The following SRRM3 variants were observed in gnomAD, a reference collection of about 807,000 sequenced individuals.
SRRM3 encodes serine/arginine repetitive matrix 3, also known as serine/arginine repetitive matrix protein 3.
Under a neutral mutation model 66.2 loss-of-function variants are expected in SRRM3, and 27 were observed. The observed-to-expected ratio is 0.41, with a 90% CI of 0.30 to 0.56. The LOEUF (loss-of-function observed/expected upper bound fraction) is 0.56, where lower values mean the gene tolerates loss of function less well. SRRM3 is among the 20% of genes least tolerant of loss of function. The probability of loss-of-function intolerance (pLI) is 0.32; values close to 1 mark genes in which losing one functional copy is unlikely to be tolerated. For missense variants in SRRM3, 918 were observed against 991.9 expected, an observed-to-expected ratio of 0.93 and a Z score of 1.00; for synonymous variants, 391 against 414.9, an observed-to-expected ratio of 0.94 and a Z score of 0.70.
chr7:76,222,736 C>T (rs1437103748), intron 1 of SRRM3, among the ~76,000 whole-genome samples: 1 of 152,064 alleles, frequency 6.6e-6, no homozygotes, highest in African/African-American at 2.4e-5. Context: ...ATCCTCCTGC[C>T]TCAGCCTCCC....
intron 1 of SRRM3, among the ~76,000 whole-genome samples, chr7:76,220,521 C>CTCTG (rs1253823683): frequency 2.6e-5 from 4 of 152,202 alleles, no homozygotes; most frequent in Non-Finnish European, 5.9e-5. Flanking sequence ...GGCTCGCCCT[C>CTCTG]TCTGCCTCAC....
intron 3 of SRRM3, among the ~76,000 whole-genome samples, chr7:76,256,715 T>C: frequency 6.7e-6 from 1 of 149,904 alleles, no homozygotes; most frequent in South Asian, 2.1e-4. Flanking sequence ...GGCTTCTTTT[T>C]CTTTTTTTTT....
chr7:76,250,323 C>G (rs544065596), intron 3 of SRRM3, among the ~76,000 whole-genome samples: 3 of 152,090 alleles, frequency 2.0e-5, no homozygotes, highest in Non-Finnish European at 4.4e-5. Context: ...CCTCTGCCCC[C>G]CGGGTTCAAG....
intron 1 of SRRM3, among the ~76,000 whole-genome samples, chr7:76,219,390 T>C (rs1397013568): frequency 6.6e-6 from 1 of 152,216 alleles, no homozygotes; most frequent in Admixed American, 6.5e-5. Flanking sequence ...TGGACTCCTC[T>C]GGAGGCAGCA....
At chr7:76,274,560 A>G (rs77834152) in intron 11 of SRRM3, among the ~76,000 whole-genome samples, 1,901 of 152,286 alleles carry the variant, frequency 0.012, 115 homozygotes, top group East Asian at 0.098. Flanking sequence ...GCATCCTTCC[A>G]TCTTCTGAAT....
rs1342544840 is a variant in SRRM3 at position 76,224,372 on chromosome 7, G to A, written c.-39-10656G>A. ...TAGGATTACAGGCATGAGCCACCGC[G>A]CCCGGCCAAAGACACATCTTTCAAA... On this transcript the variant is annotated intron_variant, in intron 1 of 14. Transcript: ENST00000611745. Among the ~76,000 whole-genome samples the A allele has an allele frequency of 5.9e-5, 9 of 151,366 alleles. No homozygotes were observed. The East Asian group carries it at 1.4e-3, about 23-fold the overall frequency.
At chr7:76,280,490 T>C (rs1392035483) in intron 11 of SRRM3, among the ~76,000 whole-genome samples, 1 of 149,424 alleles carries the variant, frequency 6.7e-6, no homozygotes, top group East Asian at 2.0e-4. Flanking sequence ...CTCTCTCTTC[T>C]CTCTGCCGGG....
chr7:76,243,606 C>G (rs564621737), intron 2 of SRRM3, among the ~76,000 whole-genome samples: 2 of 152,294 alleles, frequency 1.3e-5, no homozygotes, highest in East Asian at 1.9e-4. Context: ...CATTTCCCAG[C>G]CTTCCATGTG....
chr7:76,235,403 A>T, intron 2 of SRRM3, 104 bp downstream of exon 2: 1 of 1,024,008 alleles, frequency 9.8e-7, no homozygotes. Flanking sequence ...GTGGGCGGGG[A>T]GAAGGGCGGG....
chr7:76,215,760 G>A (rs1583870454), intron 1 of SRRM3, among the ~76,000 whole-genome samples: 2 of 145,834 alleles, frequency 1.4e-5, no homozygotes, highest in Non-Finnish European at 3.0e-5. Flanking sequence ...CTGAGTGGCT[G>A]GAACAACAGG....
At chr7:76,278,348 G>A (rs535445490) in intron 11 of SRRM3, among the ~76,000 whole-genome samples, 8 of 152,220 alleles carry the variant, frequency 5.3e-5, no homozygotes, top group African/African-American at 1.2e-4. Flanking sequence ...TTAGCCAGGC[G>A]TGGTGGCGGG....
chr7:76,260,923 G>C lies in SRRM3; in HGVS notation c.575+20G>C. On this transcript the variant is annotated intron_variant, in intron 6 of 14. Transcript: ENST00000611745. ...ATGCAGGTCAGTGGGGACAGAGCTG[G>C]CTGGGGCCAGGGCGGGGGATGTCTG... The C allele has an allele frequency of 6.4e-7, 1 of 1,556,978 alleles. No individual in the cohort carries two copies. The highest frequency in any genetic ancestry group is 2.4e-5 in the East Asian group (1 of 41,542).
At chr7:76,283,763 C>T (rs1044606645) in intron 14 of SRRM3, 1 of 985,124 alleles carries the variant, frequency 1.0e-6, no homozygotes, top group African/African-American at 1.7e-5. Flanking sequence ...GGGCTGTGCC[C>T]AGGGCGTGGC....
At chr7:76,233,548 TG>T (rs782048765) in intron 1 of SRRM3, among the ~76,000 whole-genome samples, 1 of 151,932 alleles carries the variant, frequency 6.6e-6, no homozygotes, top group Non-Finnish European at 1.5e-5. Flanking sequence ...GGAAAACCCC[TG>T]GTGGAACTGG....
chr7:76,283,975 T>C (rs1272638382), intron 14 of SRRM3, among the ~76,000 whole-genome samples: 1 of 152,248 alleles, frequency 6.6e-6, no homozygotes, highest in East Asian at 1.9e-4. Context: ...TCGGTGTGCC[T>C]CTCTGGGCCT....
At chr7:76,211,420 CG>C (rs111564107) in intron 1 of SRRM3, among the ~76,000 whole-genome samples, 4 of 74,290 alleles carry the variant, frequency 5.4e-5, no homozygotes, top group Admixed American at 1.3e-4. Context: ...TGTTGGGGGG[CG>C]GGGGGGGAAT....
rs371321689 is a variant in SRRM3, at chr7:76,239,646, C to A, written c.233+4347C>A. Among the ~76,000 whole-genome samples, 6 of 151,800 alleles carry A rather than the reference C, an allele frequency of 4.0e-5. No individual in the cohort carries two copies. The South Asian group carries it at 1.0e-3, about 26-fold the overall frequency. On this transcript the variant is annotated intron_variant, in intron 2 of 14. Transcript: ENST00000611745. ...TAAGCCTGAGAAGTCGAGGCTGCAG[C>A]GAGCTATGATTGCACCACTGCACTC...
chr7:76,260,796 T>G, intron 5 of SRRM3, 78 bp from the exon 6 acceptor site: 133 of 1,399,796 alleles, frequency 9.5e-5, no homozygotes, highest in Middle Eastern at 3.5e-4. Context: ...CTGTCCTGCG[T>G]GAGACCCTGG....
At chr7:76,251,165 G>C (rs1267550982) in intron 3 of SRRM3, among the ~76,000 whole-genome samples, 1 of 152,210 alleles carries the variant, frequency 6.6e-6, no homozygotes, top group East Asian at 1.9e-4. Flanking sequence ...CCCGTCCTCT[G>C]TGGGGCTGTG....
Sources: gnomAD v4.1 joint callset for allele counts (sites outside exome capture counted in the v4.1 genomes callset) on GRCh38, gnomAD v4.1.1 for gene constraint, MANE v1.5 for transcripts, NCBI Gene and HGNC (gene_info 2026-07-23, HGNC 2026-07-21) for gene names.